CAMTA1: variants seen among roughly 807,000 people sequenced by gnomAD.
CAMTA1 encodes calmodulin-binding transcription activator 1.
Under a neutral mutation model 170.9 loss-of-function variants are expected in CAMTA1, and 27 were observed. The ratio of observed to expected loss-of-function variants is 0.16; its 90% confidence interval spans 0.12 to 0.22. The LOEUF (loss-of-function observed/expected upper bound fraction) is 0.22. Ranked by LOEUF, CAMTA1 falls within the 10% of genes least tolerant of loss-of-function variation. The pLI, the probability that CAMTA1 is intolerant of heterozygous loss-of-function variation, is 1.00. For synonymous variants in CAMTA1, 833 were observed against 891.5 expected, an observed-to-expected ratio of 0.93 and a Z score of 1.17; for missense variants, 1,619 against 2,217.2, an observed-to-expected ratio of 0.73 and a Z score of 5.42.
intron 6 of CAMTA1, among the ~76,000 whole-genome samples, chr1:7,601,199 G>A (rs1359262161): frequency 6.6e-6 from 1 of 150,662 alleles, no homozygotes; most frequent in Non-Finnish European, 1.5e-5. Flanking sequence ...TGGCTGCTGG[G>A]CGGAGACGCT....
intron 3 of CAMTA1, among the ~76,000 whole-genome samples, chr1:7,083,739 G>A (rs193285904): frequency 7.9e-5 from 12 of 152,248 alleles, no homozygotes; most frequent in Non-Finnish European, 1.0e-4. Flanking sequence ...TGCTTTCACC[G>A]TAAACATATT....
intron 3 of CAMTA1, among the ~76,000 whole-genome samples, chr1:7,035,189 G>A (rs2101161055): frequency 6.6e-6 from 1 of 152,166 alleles, no homozygotes; most frequent in Non-Finnish European, 1.5e-5. Flanking sequence ...ATCACCTGAG[G>A]TCAGGAGTTT....
intron 3 of CAMTA1, among the ~76,000 whole-genome samples, chr1:6,919,688 T>C (rs548176407): frequency 6.6e-6 from 1 of 152,310 alleles, no homozygotes; most frequent in South Asian, 2.1e-4. Context: ...GAGGTTTAAT[T>C]GGACTCACAG....
At chr1:7,715,343 G>T (rs1231500074) in intron 11 of CAMTA1, among the ~76,000 whole-genome samples, 2 of 152,014 alleles carry the variant, frequency 1.3e-5, no homozygotes, top group Admixed American at 6.6e-5. Flanking sequence ...TAACCATTCC[G>T]TCAACCACTT....
At chr1:7,584,330 C>T (rs1052205306) in intron 6 of CAMTA1, among the ~76,000 whole-genome samples, 9 of 151,974 alleles carry the variant, frequency 5.9e-5, no homozygotes, top group African/African-American at 9.6e-5. Context: ...AGAGGATGGC[C>T]AAGGGTCGGG....
intron 1 of CAMTA1, among the ~76,000 whole-genome samples, chr1:6,801,541 G>A (rs569547690): frequency 6.6e-6 from 1 of 152,114 alleles, no homozygotes; most frequent in Non-Finnish European, 1.5e-5. Context: ...AAAAAGTCAT[G>A]ATTTTCAGAA....
intron 5 of CAMTA1, among the ~76,000 whole-genome samples, chr1:7,326,061 G>T (rs12071693): frequency 3.3e-5 from 5 of 152,000 alleles, no homozygotes; most frequent in African/African-American, 1.2e-4. Flanking sequence ...GTTTCATCAC[G>T]TTGGCCAGAC....
chr1:6,964,979 C>T (rs948828176), intron 3 of CAMTA1, among the ~76,000 whole-genome samples: 1 of 152,162 alleles, frequency 6.6e-6, no homozygotes, highest in African/African-American at 2.4e-5. Context: ...GCTTTGAGCC[C>T]TCCTCCAAGG....
intron 5 of CAMTA1, among the ~76,000 whole-genome samples, chr1:7,361,833 G>T (rs1386759464): frequency 1.3e-5 from 2 of 152,308 alleles, no homozygotes; most frequent in East Asian, 3.9e-4. Context: ...CTGGATTCCT[G>T]TGTGTTAATC....
At chr1:7,051,181 C>A (rs1178954730) in intron 3 of CAMTA1, among the ~76,000 whole-genome samples, 1 of 152,180 alleles carries the variant, frequency 6.6e-6, no homozygotes, top group Non-Finnish European at 1.5e-5. Flanking sequence ...CACCTCGGGT[C>A]TGAACGTTCT....
chr1:7,704,431 A>G (rs1435508906), intron 11 of CAMTA1, among the ~76,000 whole-genome samples: 6 of 143,998 alleles, frequency 4.2e-5, no homozygotes, highest in Non-Finnish European at 9.2e-5. Context: ...GGGCGGGCGG[A>G]GCGGCGGGGA....
At chr1:7,469,926 A>C (rs2093298538) in intron 6 of CAMTA1, among the ~76,000 whole-genome samples, 1 of 152,176 alleles carries the variant, frequency 6.6e-6, no homozygotes, top group African/African-American at 2.4e-5. Context: ...GCCCTCCCTC[A>C]CTGGCGCTCC....
intron 10 of CAMTA1, among the ~76,000 whole-genome samples, chr1:7,675,457 T>A (rs901871267): frequency 6.6e-6 from 1 of 152,134 alleles, no homozygotes; most frequent in Admixed American, 6.5e-5. Flanking sequence ...GAAAGATGAT[T>A]CTAGGTTGTA....
intron 7 of CAMTA1, among the ~76,000 whole-genome samples, chr1:7,647,140 C>G (rs563182668): frequency 1.3e-5 from 2 of 152,320 alleles, no homozygotes; most frequent in South Asian, 4.1e-4. Flanking sequence ...GGTCGCAGAG[C>G]CCAGGATCCC....
intron 6 of CAMTA1, among the ~76,000 whole-genome samples, chr1:7,524,084 C>T (rs775962091): frequency 6.6e-6 from 1 of 151,626 alleles, no homozygotes; most frequent in Non-Finnish European, 1.5e-5. Context: ...TGCCTGTAGT[C>T]CCAGCTACTT....
At chr1:7,247,953 G>A (rs186196536) in intron 4 of CAMTA1, among the ~76,000 whole-genome samples, 2 of 152,224 alleles carry the variant, frequency 1.3e-5, no homozygotes, top group Non-Finnish European at 2.9e-5. Flanking sequence ...TGTTTTAGTC[G>A]ATACAGACTT....
chr1:7,626,278 G>A (rs1234939001), intron 6 of CAMTA1, among the ~76,000 whole-genome samples: 1 of 152,174 alleles, frequency 6.6e-6, no homozygotes, highest in Non-Finnish European at 1.5e-5. Flanking sequence ...TGCCTCCACG[G>A]CCAGCCCATT....
At chr1:7,652,670 C>T (rs565586985) in intron 7 of CAMTA1, among the ~76,000 whole-genome samples, 4 of 152,250 alleles carry the variant, frequency 2.6e-5, no homozygotes, top group African/African-American at 7.2e-5. Flanking sequence ...GTGAAGGGGC[C>T]GAGGGAAACC....
At chr1:7,465,222 C>G (rs540131941) in intron 5 of CAMTA1, among the ~76,000 whole-genome samples, 1 of 152,196 alleles carries the variant, frequency 6.6e-6, no homozygotes, top group Admixed American at 6.5e-5. Context: ...AGCCTAAGGC[C>G]CTGTGCCCTC....
Sources: allele counts gnomAD v4.1 joint callset (sites outside exome capture counted in the v4.1 genomes callset), GRCh38; gene constraint gnomAD v4.1.1; transcripts MANE v1.5; gene names NCBI Gene and HGNC (gene_info 2026-07-23, HGNC 2026-07-21).